CCDC7: variants seen among roughly 807,000 people sequenced by gnomAD.
CCDC7 encodes coiled-coil domain-containing protein 7.
In CCDC7, 183 loss-of-function variants were observed where a neutral mutation model predicts 196.9. That is an observed-to-expected ratio of 0.93 (90% CI 0.82 to 1.05). The LOEUF (loss-of-function observed/expected upper bound fraction) is 1.05, where lower values mean the gene tolerates loss of function less well. CCDC7 is among the 50% of genes least tolerant of loss of function. The pLI, the probability that CCDC7 is intolerant of heterozygous loss-of-function variation, is 0.00. For missense variants in CCDC7, 1,540 were observed against 1,482.2 expected (o/e 1.04, Z -0.64); for synonymous variants, 525 against 484.6 (o/e 1.08, Z -1.10).
chr10:32,708,266 C>T (rs1021960630), intron 24 of CCDC7, among the ~76,000 whole-genome samples: 1 of 152,104 alleles, frequency 6.6e-6, no homozygotes, highest in Non-Finnish European at 1.5e-5. Flanking sequence ...ACTGGCTAGC[C>T]ATATGGAGAA....
chr10:32,847,627 A>G (rs1174819178), intron 37 of CCDC7, among the ~76,000 whole-genome samples: 2 of 150,510 alleles, frequency 1.3e-5, no homozygotes, highest in Non-Finnish European at 2.9e-5. Context: ...AAGGCGGGGG[A>G]CCACTTGAGC....
intron 22 of CCDC7, 50 bp from the exon 24 acceptor site, chr10:32,689,003 C>A (rs985828219): frequency 3.3e-6 from 4 of 1,198,688 alleles, no homozygotes; most frequent in Admixed American, 4.2e-5. Context: ...CTACAGATTT[C>A]AAATGGATTT....
intron 29 of CCDC7, among the ~76,000 whole-genome samples, chr10:32,800,665 T>C (rs1368087668): frequency 1.4e-4 from 22 of 152,132 alleles, no homozygotes; most frequent in Admixed American, 1.4e-3. Flanking sequence ...TGGGGAAAGA[T>C]GGAAGAAAGA....
chr10:32,575,061 A>G (rs2058039288), intron 16 of CCDC7, among the ~76,000 whole-genome samples: 1 of 152,200 alleles, frequency 6.6e-6, no homozygotes, highest in African/African-American at 2.4e-5. Flanking sequence ...AAAAATAAAC[A>G]AGTAAAAATA....
intron 8 of CCDC7, among the ~76,000 whole-genome samples, chr10:32,478,473 GCTTA>G (rs2134067263): frequency 6.6e-6 from 1 of 152,218 alleles, no homozygotes; most frequent in Middle Eastern, 3.4e-3. Context: ...AACTGAGGAA[GCTTA>G]CTTCTATTTT....
chr10:32,830,223 C>G (rs1217088459), intron 32 of CCDC7, among the ~76,000 whole-genome samples: 1 of 142,828 alleles, frequency 7.0e-6, no homozygotes, highest in Non-Finnish European at 1.5e-5. Flanking sequence ...TTAGAAGCTT[C>G]ATGTTGCAGG....
intron 20 of CCDC7, among the ~76,000 whole-genome samples, chr10:32,646,020 CTT>C (rs1391228518): frequency 1.3e-5 from 2 of 149,960 alleles, no homozygotes; most frequent in East Asian, 3.9e-4. Flanking sequence ...TTTTTAATCT[CTT>C]TTTTGTTTAT....
intron 29 of CCDC7, among the ~76,000 whole-genome samples, chr10:32,796,094 A>G (rs1026412831): frequency 1.3e-5 from 2 of 151,794 alleles, no homozygotes; most frequent in African/African-American, 4.8e-5. Flanking sequence ...GTCCTCAGGG[A>G]TATTTCTCAC....
intron 8 of CCDC7, among the ~76,000 whole-genome samples, chr10:32,476,532 G>T (rs1202162532): frequency 6.6e-6 from 1 of 152,144 alleles, no homozygotes; most frequent in Non-Finnish European, 1.5e-5. Context: ...TTTTGTTCAG[G>T]TTTTTGTGTG....
chr10:32,755,566 C>T (rs1467066412), intron 28 of CCDC7, among the ~76,000 whole-genome samples: 1 of 152,112 alleles, frequency 6.6e-6, no homozygotes, highest in Non-Finnish European at 1.5e-5. Flanking sequence ...AACTAACAAA[C>T]AGAAAGGACA....
chr10:32,827,547 G>T (rs2135757510), intron 32 of CCDC7, among the ~76,000 whole-genome samples: 1 of 151,660 alleles, frequency 6.6e-6, no homozygotes, highest in Non-Finnish European at 1.5e-5. Context: ...TACGGCTAAA[G>T]AAGTGCGGCA....
chr10:32,809,940 GC>G lies in CCDC7; in HGVS notation c.3098-4429del, dbSNP rs981264495. Among the ~76,000 whole-genome samples the G allele has an allele frequency of 2.0e-3, 7 of 3,520 alleles. No homozygotes were observed. In the Non-Finnish European group the frequency reaches 0.062, roughly 31 times the overall value. The allele number at this position is 3,520 out of a possible 152,430, so 2.3% of individuals were successfully genotyped here. A position where few individuals can be genotyped will look rare whatever the true frequency, so the allele number is the denominator to read the frequency against. Reference sequence around the variant, plus strand: ...AGACACATGCACGCATATGTTTATTGCGGCACTATTCACAATAGCAAAAACT... The same window carrying G: ...AGACACATGCACGCATATGTTTATTGGGCACTATTCACAATAGCAAAAACT... On this transcript the variant is annotated intron_variant, in intron 30 of 41. Transcript: ENST00000639629.
intron 29 of CCDC7, among the ~76,000 whole-genome samples, chr10:32,791,628 G>GA (rs1247316192): frequency 1.3e-5 from 2 of 150,468 alleles, no homozygotes; most frequent in African/African-American, 2.5e-5. Flanking sequence ...TCAAGCAGAA[G>GA]AAAAAAAATC....
intron 9 of CCDC7, chr10:32,512,643 A>G (rs2046395127): frequency 6.6e-6 from 1 of 152,210 alleles, no homozygotes; most frequent in Non-Finnish European, 1.5e-5. Flanking sequence ...CAAAACTGAA[A>G]ACACCTCGTT....
At position 32,836,284 on chromosome 10, in the gene CCDC7, G is replaced by A. The variant is rs117684812; in HGVS notation, c.3352+1386G>A. Among the ~76,000 whole-genome samples, 1,203 of 152,028 alleles carry A rather than the reference G, an allele frequency of 7.9e-3. 7 individuals carry two copies. Among genetic ancestry groups the A allele is most frequent in the Middle Eastern group, 0.021 (6 of 292 alleles). Reference sequence around the variant, plus strand: ...AACAATATTAGAATCTTCTTGTTGTGGAGAAAGATAATGTAGTAAAATAGT... The same window carrying A: ...AACAATATTAGAATCTTCTTGTTGTAGAGAAAGATAATGTAGTAAAATAGT... On this transcript the variant is annotated intron_variant, in intron 33 of 41. Coordinates refer to ENST00000639629, the Ensembl canonical transcript of CCDC7.
intron 13 of CCDC7, among the ~76,000 whole-genome samples, chr10:32,557,131 G>T (rs1196847071): frequency 6.6e-6 from 1 of 152,078 alleles, no homozygotes; most frequent in Non-Finnish European, 1.5e-5. Context: ...AAATAACTTT[G>T]TTACAGAAAA....
chr10:32,601,360 C>G (rs931514742), intron 18 of CCDC7, among the ~76,000 whole-genome samples: 4 of 152,224 alleles, frequency 2.6e-5, no homozygotes, highest in African/African-American at 9.6e-5. Flanking sequence ...CATGAGCTAC[C>G]ACACCCGGCC....
Position 32,794,660 on chromosome 10 carries a change from A to T in CCDC7, c.3014-10355A>T, listed in dbSNP as rs373609572. On this transcript the variant is annotated intron_variant, in intron 29 of 41. Transcript: ENST00000639629. ...ATGTTATCTCATGGCTTTGATTTGTATCTCTCTAATATTAGTGATAATGAG... is the reference window on the plus strand; with the variant it reads ...ATGTTATCTCATGGCTTTGATTTGTTTCTCTCTAATATTAGTGATAATGAG... 7.9e-5 allele frequency among the ~76,000 whole-genome samples: 12 copies of T among 152,138 alleles called. No homozygotes were observed. The East Asian group carries it at 1.9e-3, about 24-fold the overall frequency.
At chr10:32,509,487 C>T (rs1223643985) in intron 9 of CCDC7, among the ~76,000 whole-genome samples, 3 of 145,064 alleles carry the variant, frequency 2.1e-5, no homozygotes, top group Admixed American at 7.1e-5. Flanking sequence ...TGACATTGGT[C>T]TGGGCAATGA....
Sources: gnomAD v4.1 joint callset for allele counts (sites outside exome capture counted in the v4.1 genomes callset) on GRCh38, gnomAD v4.1.1 for gene constraint, MANE v1.5 for transcripts, NCBI Gene and HGNC (gene_info 2026-07-23, HGNC 2026-07-21) for gene names.